Variants in SLIT3 observed in about 807,000 individuals in gnomAD.
SLIT3 encodes slit homolog 3 protein.
In SLIT3, 68 loss-of-function variants were observed where a neutral mutation model predicts 184.0. The observed-to-expected ratio is 0.37, with a 90% CI of 0.30 to 0.45. SLIT3 has a LOEUF of 0.45. SLIT3 is among the 20% of genes least tolerant of loss of function. SLIT3 has a pLI of 1.00. For synonymous variants in SLIT3, 831 were observed against 828.6 expected (o/e 1.00, Z -0.05); for missense variants, 1,707 against 2,026.0 (o/e 0.84, Z 3.02).
At chr5:169,155,534 A>G (rs1762273837) in intron 4 of SLIT3, among the ~76,000 whole-genome samples, 1 of 152,220 alleles carries the variant, frequency 6.6e-6, no homozygotes, top group Admixed American at 6.5e-5. Context: ...ATTCTAACGT[A>G]GATACAAGGC....
chr5:168,769,012 A>G (rs1755449694), intron 14 of SLIT3, among the ~76,000 whole-genome samples: 2 of 152,226 alleles, frequency 1.3e-5, no homozygotes, highest in Non-Finnish European at 2.9e-5. Context: ...TGACTTTCAC[A>G]GAGATGGTGG....
chr5:169,118,049 C>A (rs1760750981), intron 4 of SLIT3, among the ~76,000 whole-genome samples: 1 of 151,994 alleles, frequency 6.6e-6, no homozygotes, highest in Non-Finnish European at 1.5e-5. Context: ...TGGTGGTTCA[C>A]ACCTATTAAT....
At chr5:168,939,464 G>A (rs1468585070) in intron 4 of SLIT3, among the ~76,000 whole-genome samples, 1 of 152,328 alleles carries the variant, frequency 6.6e-6, no homozygotes, top group East Asian at 1.9e-4. Context: ...GATGATCTAA[G>A]TAGATTCTAT....
chr5:169,134,778 C>A (rs927572894), intron 4 of SLIT3, among the ~76,000 whole-genome samples: 1 of 152,202 alleles, frequency 6.6e-6, no homozygotes, highest in African/African-American at 2.4e-5. Context: ...AGGCCCTGAC[C>A]CTTCATGCCC....
intron 5 of SLIT3, among the ~76,000 whole-genome samples, chr5:168,860,684 C>A (rs1213711249): frequency 6.6e-6 from 1 of 152,128 alleles, no homozygotes; most frequent in Non-Finnish European, 1.5e-5. Flanking sequence ...AGCTCACACA[C>A]CAAGCCAGCC....
chr5:169,185,915 C>T (rs541636691), intron 4 of SLIT3, among the ~76,000 whole-genome samples: 95 of 152,340 alleles, frequency 6.2e-4, no homozygotes, highest in African/African-American at 2.1e-3. Context: ...CAGCCAGTTA[C>T]TGGCTCTGTG....
intron 4 of SLIT3, among the ~76,000 whole-genome samples, chr5:168,968,051 G>GT (rs1223361063): frequency 6.6e-6 from 1 of 152,168 alleles, no homozygotes; most frequent in Non-Finnish European, 1.5e-5. Flanking sequence ...AGGAGAGTGG[G>GT]TTTTTAAGAT....
Position 168,671,180 on chromosome 5 carries a change from G to C in SLIT3, c.4127+18C>G. ...TCTGGGAGCTCGAGCACACAGCCAG[G>C]GCTCCTGGGACACTGACCTGTGGCC... On this transcript the variant is annotated intron_variant, in intron 34 of 35. Transcript: ENST00000519560. 1 of 1,596,424 alleles carries C rather than the reference G, an allele frequency of 6.3e-7. No homozygotes were observed. The highest frequency in any genetic ancestry group is 8.6e-7 in the Non-Finnish European group (1 of 1,167,984).
chr5:168,872,030 G>A (rs143251882), intron 5 of SLIT3, among the ~76,000 whole-genome samples: 33 of 152,272 alleles, frequency 2.2e-4, no homozygotes, highest in African/African-American at 7.5e-4. Flanking sequence ...ACACTCATAC[G>A]CTTCACACTG....
At chr5:169,088,433 A>G (rs1429976994) in intron 4 of SLIT3, among the ~76,000 whole-genome samples, 1 of 151,502 alleles carries the variant, frequency 6.6e-6, no homozygotes, top group Admixed American at 6.6e-5. Flanking sequence ...AACAGCGACA[A>G]TAACAATGAC....
intron 4 of SLIT3, among the ~76,000 whole-genome samples, chr5:169,163,581 A>C (rs1192303969): frequency 6.6e-6 from 1 of 152,144 alleles, no homozygotes; most frequent in African/African-American, 2.4e-5. Context: ...ACCAAAATGC[A>C]ACTTATATGT....
chr5:169,207,020 G>C (rs547361163), intron 3 of SLIT3, among the ~76,000 whole-genome samples: 1 of 150,730 alleles, frequency 6.6e-6, no homozygotes, highest in Non-Finnish European at 1.5e-5. Context: ...TTGTCACTTC[G>C]ATCTGATTGA....
chr5:168,789,821 GCAC>G, intron 10 of SLIT3, 190 bp from the exon 11 acceptor site: 1 of 561,518 alleles, frequency 1.8e-6, no homozygotes. Flanking sequence ...ATGATAAAGT[GCAC>G]CACATTTACA....
chr5:169,233,947 G>A (rs1765098583), intron 3 of SLIT3, among the ~76,000 whole-genome samples: 1 of 152,118 alleles, frequency 6.6e-6, no homozygotes, highest in African/African-American at 2.4e-5. Context: ...CAACTTCGAT[G>A]TTTGCTGTAG....
chr5:168,841,705 C>T (rs1026532880), intron 6 of SLIT3, among the ~76,000 whole-genome samples: 2 of 152,158 alleles, frequency 1.3e-5, no homozygotes, highest in Admixed American at 6.5e-5. Context: ...TATGGTATTT[C>T]CATCCACAGG....
intron 2 of SLIT3, among the ~76,000 whole-genome samples, chr5:169,251,143 A>G (rs1022123800): frequency 1.3e-5 from 2 of 152,204 alleles, no homozygotes; most frequent in African/African-American, 2.4e-5. Context: ...ATTTGTTCAT[A>G]GCCTTCCACT....
chr5:168,763,088 G>C (rs560669352), intron 14 of SLIT3, among the ~76,000 whole-genome samples: 1 of 152,196 alleles, frequency 6.6e-6, no homozygotes, highest in Non-Finnish European at 1.5e-5. Context: ...TATCATTCAT[G>C]GACCCTCTAA....
At chr5:168,909,868 C>A (rs1394688438) in intron 4 of SLIT3, among the ~76,000 whole-genome samples, 1 of 152,194 alleles carries the variant, frequency 6.6e-6, no homozygotes, top group African/African-American at 2.4e-5. Context: ...AGACTTGGCT[C>A]TACTTTTCAG....
At chr5:169,129,564 T>G (rs1761216588) in intron 4 of SLIT3, among the ~76,000 whole-genome samples, 1 of 151,854 alleles carries the variant, frequency 6.6e-6, no homozygotes. Flanking sequence ...CAAAAAAAAG[T>G]TCTCTAAATT....
Sources: gnomAD v4.1 joint callset for allele counts (sites outside exome capture counted in the v4.1 genomes callset) on GRCh38, gnomAD v4.1.1 for gene constraint, MANE v1.5 for transcripts, NCBI Gene and HGNC (gene_info 2026-07-23, HGNC 2026-07-21) for gene names.